The following GABRB1 variants were observed in gnomAD, a reference collection of about 807,000 sequenced individuals.
GABRB1 encodes gamma-aminobutyric acid receptor subunit beta-1.
In GABRB1, 17 loss-of-function variants were observed where a neutral mutation model predicts 51.6. The observed-to-expected ratio is 0.33, with a 90% CI of 0.23 to 0.49. GABRB1 has a LOEUF of 0.49. Ranked by LOEUF, GABRB1 falls within the 20% of genes least tolerant of loss-of-function variation. GABRB1 has a pLI of 0.99. For synonymous variants in GABRB1, 247 were observed against 218.9 expected (o/e 1.13, Z -1.14); for missense variants, 410 against 600.6 (o/e 0.68, Z 3.32).
chr4:47,033,141 A>T (rs1206746809), intron 3 of GABRB1: 2 of 188,560 alleles, frequency 1.1e-5, no homozygotes, highest in African/African-American at 4.7e-5. Flanking sequence ...TTGAAACAGA[A>T]TAAATCAAGT....
At chr4:47,297,051 T>G (rs571613109) in intron 4 of GABRB1, among the ~76,000 whole-genome samples, 176 of 152,228 alleles carry the variant, frequency 1.2e-3, no homozygotes, top group African/African-American at 3.8e-3. Context: ...AAGATGTTCT[T>G]TGAAACCAAC....
intron 4 of GABRB1, among the ~76,000 whole-genome samples, chr4:47,260,438 T>C (rs1237422069): frequency 6.6e-6 from 1 of 152,222 alleles, no homozygotes; most frequent in Non-Finnish European, 1.5e-5. Flanking sequence ...TCTTTACATT[T>C]TGGCATGATT....
At chr4:47,200,700 G>A (rs988683590) in intron 4 of GABRB1, among the ~76,000 whole-genome samples, 17 of 152,118 alleles carry the variant, frequency 1.1e-4, no homozygotes, top group Non-Finnish European at 1.3e-4. Context: ...ACAAGGCCAG[G>A]AAACAAATAG....
At chr4:47,354,268 G>T (rs534565775) in intron 5 of GABRB1, among the ~76,000 whole-genome samples, 1 of 152,060 alleles carries the variant, frequency 6.6e-6, no homozygotes, top group Non-Finnish European at 1.5e-5. Flanking sequence ...ATGTGTAATA[G>T]ATCACAATTT....
Position 47,001,368 on chromosome 4 carries a change from T to A in GABRB1, c.-20+7442T>A, listed in dbSNP as rs188207651. Among the ~76,000 whole-genome samples, 14 of 152,282 alleles carry A rather than the reference T, an allele frequency of 9.2e-5. No homozygotes were observed. The East Asian group carries it at 2.7e-3, about 29-fold the overall frequency. Reference sequence around the variant, plus strand: ...CGTGTTAGCCAGGATGGTCTGAATCTCCTGACCTCGTGATTCTCCCGCCTT... The same window carrying A: ...CGTGTTAGCCAGGATGGTCTGAATCACCTGACCTCGTGATTCTCCCGCCTT... On this transcript the variant is annotated intron_variant, in intron 1 of 3. Transcript: ENST00000513567.
intron 4 of GABRB1, among the ~76,000 whole-genome samples, chr4:47,175,738 T>G (rs1472873989): frequency 6.6e-6 from 1 of 152,180 alleles, no homozygotes; most frequent in African/African-American, 2.4e-5. Flanking sequence ...TTTTTCACTG[T>G]GGGCCAACCT....
intron 5 of GABRB1, among the ~76,000 whole-genome samples, chr4:47,386,121 A>T (rs545583272): frequency 6.6e-6 from 1 of 152,204 alleles, no homozygotes; most frequent in Admixed American, 6.5e-5. Flanking sequence ...TGCTCTCTGG[A>T]GGTTGAGGTG....
At chr4:47,112,356 C>T (rs1039335170) in intron 3 of GABRB1, among the ~76,000 whole-genome samples, 2 of 152,198 alleles carry the variant, frequency 1.3e-5, no homozygotes, top group African/African-American at 4.8e-5. Context: ...CCGACTGCCT[C>T]AGCCTCCCAA....
intron 5 of GABRB1, among the ~76,000 whole-genome samples, chr4:47,348,117 A>G (rs778286799): frequency 3.3e-5 from 5 of 152,162 alleles, no homozygotes. Context: ...AAACACAGTA[A>G]CCTTTTAATC....
chr4:47,285,899 G>T (rs1023489984), intron 4 of GABRB1, among the ~76,000 whole-genome samples: 1 of 152,164 alleles, frequency 6.6e-6, no homozygotes, highest in African/African-American at 2.4e-5. Flanking sequence ...TTGCAATGAG[G>T]TTCAACTGCT....
intron 3 of GABRB1, among the ~76,000 whole-genome samples, chr4:47,150,853 C>T (rs1221652782): frequency 6.6e-6 from 1 of 151,730 alleles, no homozygotes; most frequent in East Asian, 1.9e-4. Flanking sequence ...ATAAAATGAT[C>T]TTATTGTTTT....
intron 8 of GABRB1, 60 bp downstream of exon 8, chr4:47,406,986 C>T (rs1177457598): frequency 8.7e-6 from 13 of 1,494,836 alleles, no homozygotes; most frequent in Admixed American, 3.7e-5. Context: ...CATGATGCCT[C>T]GGGCTCTCAT....
intron 5 of GABRB1, among the ~76,000 whole-genome samples, chr4:47,397,949 C>G (rs1227399443): frequency 6.6e-6 from 1 of 152,132 alleles, no homozygotes; most frequent in African/African-American, 2.4e-5. Context: ...GTTCCCAGAA[C>G]AAAAATCCTG....
chr4:47,306,456 G>A (rs1724474315), intron 4 of GABRB1, among the ~76,000 whole-genome samples: 1 of 151,020 alleles, frequency 6.6e-6, no homozygotes, highest in Non-Finnish European at 1.5e-5. Context: ...AGAAGGGAGG[G>A]AGGAAAAGAG....
At chr4:47,211,168 C>T (rs1318639442) in intron 4 of GABRB1, among the ~76,000 whole-genome samples, 1 of 152,116 alleles carries the variant, frequency 6.6e-6, no homozygotes, top group Non-Finnish European at 1.5e-5. Flanking sequence ...TAATCATAAT[C>T]GGTTTTGGTG....
At chr4:47,190,674 G>A (rs1719403829) in intron 4 of GABRB1, among the ~76,000 whole-genome samples, 1 of 152,110 alleles carries the variant, frequency 6.6e-6, no homozygotes, top group Admixed American at 6.6e-5. Context: ...ATAAGAAGGA[G>A]GACCAGGCTT....
At chr4:47,031,473 G>A (rs1725292666), upstream of GABRB1, 3 of 614,346 alleles carry the variant, frequency 4.9e-6, no homozygotes, top group Non-Finnish European at 8.7e-6. Context: ...AACTTTAGAG[G>A]GATTGAAATC....
intron 3 of GABRB1, among the ~76,000 whole-genome samples, chr4:47,086,097 C>T (rs1055983939): frequency 2.0e-5 from 3 of 152,158 alleles, no homozygotes; most frequent in African/African-American, 7.2e-5. Flanking sequence ...ACTCTTTTAT[C>T]CTCATGGGTT....
At chr4:47,261,256 T>A (rs1722425168) in intron 4 of GABRB1, among the ~76,000 whole-genome samples, 1 of 152,138 alleles carries the variant, frequency 6.6e-6, no homozygotes, top group Non-Finnish European at 1.5e-5. Context: ...GAAGTCAAAT[T>A]GTCCCTGTTT....
Sources: gnomAD v4.1 joint callset for allele counts (sites outside exome capture counted in the v4.1 genomes callset) on GRCh38, gnomAD v4.1.1 for gene constraint, MANE v1.5 for transcripts, NCBI Gene and HGNC (gene_info 2026-07-23, HGNC 2026-07-21) for gene names.